CAMSAP1: variants seen among roughly 807,000 people sequenced by gnomAD.
The protein encoded by CAMSAP1 is calmodulin-regulated spectrin-associated protein 1.
A neutral mutation model predicts 143.5 loss-of-function variants in CAMSAP1; 58 were observed. The observed-to-expected ratio is 0.40, with a 90% CI of 0.33 to 0.50. The LOEUF (loss-of-function observed/expected upper bound fraction) is 0.50. Ranked by LOEUF, CAMSAP1 falls within the 20% of genes least tolerant of loss-of-function variation. The pLI, the probability that CAMSAP1 is intolerant of heterozygous loss-of-function variation, is 0.45. For synonymous variants in CAMSAP1, 945 were observed against 859.3 expected (o/e 1.10, Z -1.74); for missense variants, 1,969 against 2,115.7 (o/e 0.93, Z 1.36).
chr9:135,852,995 T>G (rs150447058), intron 5 of CAMSAP1, among the ~76,000 whole-genome samples: 2 of 152,304 alleles, frequency 1.3e-5, no homozygotes, highest in African/African-American at 2.4e-5. Context: ...GAGAGTCTGA[T>G]GAGAAACGTA....
chr9:135,855,880 G>A (rs1053680471), intron 5 of CAMSAP1, among the ~76,000 whole-genome samples: 28 of 151,734 alleles, frequency 1.8e-4, no homozygotes, highest in Non-Finnish European at 3.2e-4. Flanking sequence ...GTGAAACCCT[G>A]TCTCTACTAA....
intron 1 of CAMSAP1, among the ~76,000 whole-genome samples, chr9:135,893,351 A>G (rs1382344474): frequency 6.6e-6 from 1 of 151,946 alleles, no homozygotes; most frequent in Non-Finnish European, 1.5e-5. Flanking sequence ...AAGAAAAAGA[A>G]AAGGCAGGAA....
rs1029760620 is a variant in CAMSAP1, at chr9:135,833,809, A to G, written c.1046-6225T>C. ...GCACAACTAACAAAAACAAAAATAAACCACAGGAACTACACCAAATGAAAA... is the reference window on the plus strand; with the variant it reads ...GCACAACTAACAAAAACAAAAATAAGCCACAGGAACTACACCAAATGAAAA... On this transcript the variant is annotated intron_variant, in intron 7 of 16. Transcript: ENST00000389532. 2.0e-5 allele frequency among the ~76,000 whole-genome samples: 3 copies of G among 152,162 alleles called. No individual in the cohort carries two copies. The South Asian group carries it at 6.2e-4, about 31-fold the overall frequency.
chr9:135,879,077 C>T (rs974086487), intron 3 of CAMSAP1, among the ~76,000 whole-genome samples: 2 of 152,116 alleles, frequency 1.3e-5, no homozygotes, highest in African/African-American at 4.8e-5. Flanking sequence ...GTCAATGCAA[C>T]CGCAGGGGAA....
chr9:135,867,457 C>T (rs1837416941), intron 3 of CAMSAP1, among the ~76,000 whole-genome samples: 1 of 148,952 alleles, frequency 6.7e-6, no homozygotes, highest in South Asian at 2.1e-4. Flanking sequence ...CCAGCCTAGG[C>T]AACACAGCAA....
chr9:135,831,702 A>G (rs59751118), intron 7 of CAMSAP1, among the ~76,000 whole-genome samples: 2,761 of 152,246 alleles, frequency 0.018, 92 homozygotes, highest in African/African-American at 0.064. Context: ...GGTTTTGTGA[A>G]GATAAAATCG....
In CAMSAP1 at chr9:135,870,756, T is replaced by C. The variant is rs565374821; in HGVS notation, c.586-4220A>G. Among the ~76,000 whole-genome samples the C allele has an allele frequency of 9.2e-5, 14 of 152,184 alleles. No individual in the cohort carries two copies. The South Asian group carries it at 2.5e-3, about 27-fold the overall frequency. On this transcript the variant is annotated intron_variant, in intron 3 of 16. Transcript: ENST00000389532. ...GTGGCAGTGAGCCAAGATCACACCA[T>C]GGCACTCCAGCCTAGGTGACAGAGC...
chr9:135,821,140 T>C lies in CAMSAP1; in HGVS notation c.3521A>G (p.Glu1174Gly). ...CAGAGTAAGTGTCCGCTGATTGCTTTCATCATGGAGCCTGTAACTGTCGAA... is the reference window on the plus strand; with the variant it reads ...CAGAGTAAGTGTCCGCTGATTGCTTCCATCATGGAGCCTGTAACTGTCGAA... ...CLFDSYRLHD[E>G]SNQRTLTLSS... Residue 1174 changes from glutamate (E) to glycine (G), a missense_variant, in exon 11 of 17, where the codon GAA becomes GGA. Transcript: ENST00000389532. This position sits in a 1 kb window ranked among gnomAD's most constrained non-coding sequence, Gnocchi z 4.6. 1 of 1,612,974 alleles carries C rather than the reference T, an allele frequency of 6.2e-7. No individual in the cohort carries two copies. Among genetic ancestry groups the C allele is most frequent in the Admixed American group, 1.7e-5 (1 of 60,030 alleles).
chr9:135,850,743 C>CA (rs1588472854), intron 5 of CAMSAP1, among the ~76,000 whole-genome samples: 2 of 152,292 alleles, frequency 1.3e-5, no homozygotes, highest in East Asian at 3.9e-4. Context: ...AAACAAACAG[C>CA]AACAATCACC....
At chr9:135,850,301 T>C in intron 6 of CAMSAP1, 21 bp downstream of exon 6, 4 of 1,610,838 alleles carry the variant, frequency 2.5e-6, no homozygotes, top group Non-Finnish European at 3.4e-6. Context: ...TAAAACTGCA[T>C]GCCAAATAAT....
chr9:135,830,508 A>G (rs1835822409), intron 7 of CAMSAP1, among the ~76,000 whole-genome samples: 1 of 152,266 alleles, frequency 6.6e-6, no homozygotes, highest in Non-Finnish European at 1.5e-5. Context: ...GTAAACATCT[A>G]TGTACCCACA....
At chr9:135,892,149 A>G (rs1412210288) in intron 1 of CAMSAP1, among the ~76,000 whole-genome samples, 1 of 152,214 alleles carries the variant, frequency 6.6e-6, no homozygotes, top group African/African-American at 2.4e-5. Context: ...ACCAATTTAC[A>G]GGCTCAGGAA....
At chr9:135,877,011 AAAAG>A (rs1371206054) in intron 3 of CAMSAP1, among the ~76,000 whole-genome samples, 1 of 152,228 alleles carries the variant, frequency 6.6e-6, no homozygotes, top group Non-Finnish European at 1.5e-5. Context: ...TACATCTAAA[AAAAG>A]AAAGAAATAA....
At chr9:135,860,597 C>CAAAAAAAAAAAAAAAAAAAA in intron 5 of CAMSAP1, among the ~76,000 whole-genome samples, 1 of 62,052 alleles carries the variant, frequency 1.6e-5, no homozygotes, top group Non-Finnish European at 3.1e-5. Context: ...GACTCTGCCT[C>CAAAAAAAAAAAAAAAAAAAA]AAAAAAAAAA....
At chr9:135,836,678 C>A (rs1005006215) in intron 7 of CAMSAP1, 1 of 981,858 alleles carries the variant, frequency 1.0e-6, no homozygotes, top group Non-Finnish European at 1.2e-6. Context: ...TACAGACACA[C>A]GTCACCACGC....
intron 5 of CAMSAP1, among the ~76,000 whole-genome samples, chr9:135,851,257 A>G (rs942426778): frequency 6.6e-6 from 1 of 152,252 alleles, no homozygotes; most frequent in Non-Finnish European, 1.5e-5. Flanking sequence ...ATAGAATTTC[A>G]GAAATAACTT....
At chr9:135,816,036 G>C (rs1432850598) in intron 14 of CAMSAP1, 31 bp from the exon 15 acceptor site, 8 of 1,601,808 alleles carry the variant, frequency 5.0e-6, no homozygotes, top group Non-Finnish European at 6.0e-6. Flanking sequence ...GAGACAGGCA[G>C]GTGAAGCGCT....
intron 11 of CAMSAP1, among the ~76,000 whole-genome samples, chr9:135,819,834 CAG>C (rs1046625041): frequency 2.6e-5 from 4 of 150,954 alleles, no homozygotes; most frequent in Admixed American, 6.6e-5. Flanking sequence ...GCGACAGAGC[CAG>C]ACTCTGTCCA....
chr9:135,887,055 C>A (rs1427228845), intron 1 of CAMSAP1, among the ~76,000 whole-genome samples: 3 of 152,154 alleles, frequency 2.0e-5, no homozygotes, highest in Admixed American at 1.3e-4. Flanking sequence ...AAGGGACCAG[C>A]TGGAGACGTG....
Sources: allele counts gnomAD v4.1 joint callset (sites outside exome capture counted in the v4.1 genomes callset), GRCh38; gene constraint gnomAD v4.1.1; non-coding constraint Gnocchi (gnomAD v3.1); transcripts MANE v1.5; gene names NCBI Gene and HGNC (gene_info 2026-07-23, HGNC 2026-07-21).